The following RHBDL2 variants were observed in gnomAD, a reference collection of about 807,000 sequenced individuals.
RHBDL2 encodes rhomboid-related protein 2.
Under a neutral mutation model 31.7 loss-of-function variants are expected in RHBDL2, and 26 were observed. The observed-to-expected ratio is 0.82, with a 90% CI of 0.60 to 1.14. The LOEUF (loss-of-function observed/expected upper bound fraction) is 1.14, where lower values mean the gene tolerates loss of function less well. Among genes scored for constraint, RHBDL2 ranks in the 50% most tolerant of loss-of-function variants. The probability of loss-of-function intolerance (pLI) is 0.00; values close to 1 mark genes in which losing one functional copy is unlikely to be tolerated. For synonymous variants in RHBDL2, 123 were observed against 127.2 expected (o/e 0.97, Z 0.22); for missense variants, 336 against 364.4 (o/e 0.92, Z 0.63).
chr1:38,911,122 G>A (rs1479312252), intron 4 of RHBDL2, among the ~76,000 whole-genome samples, 200 bp downstream of exon 4: 1 of 152,062 alleles, frequency 6.6e-6, no homozygotes, highest in Non-Finnish European at 1.5e-5. Context: ...TGAGATACCT[G>A]AGGACAGGCA....
Position 38,911,336 on chromosome 1 carries a change from G to A in RHBDL2, c.494C>T (p.Ala165Val), listed in dbSNP as rs888940504. ...AGAACACTGACCTGCAATCACTCCT[G>A]CCAGGTACACCAGCCCCACACGGAG... is the stretch of plus-strand genomic sequence containing the variant. The part of the protein sequence containing the change: ...KGLRVGLVYL[A>V]GVIAGSLASS... Residue 165 changes from alanine to valine, a missense_variant, in exon 4 of 8, where the codon GCA (alanine) becomes GTA (valine). By Grantham distance (64) the Ala-to-Val change is moderately conservative. Transcript: ENST00000372990. The A allele has an allele frequency of 3.7e-6, 6 of 1,610,382 alleles. No homozygotes were observed. The highest frequency in any genetic ancestry group is 5.1e-6 in the Non-Finnish European group (6 of 1,176,670).
At chr1:38,915,245 G>T in intron 3 of RHBDL2, among the ~76,000 whole-genome samples, 1 of 150,412 alleles carries the variant, frequency 6.6e-6, no homozygotes, top group African/African-American at 2.4e-5. Context: ...CAATTCTCCT[G>T]CCTCAGCCTC....
intron 1 of RHBDL2, among the ~76,000 whole-genome samples, chr1:38,923,571 C>A (rs12064996): frequency 3.5e-4 from 54 of 152,296 alleles, no homozygotes; most frequent in African/African-American, 1.3e-3. Flanking sequence ...ATAGGTCAAA[C>A]TTGGGATACA....
At chr1:38,935,154 A>G (rs1643483028) in intron 1 of RHBDL2, among the ~76,000 whole-genome samples, 1 of 152,136 alleles carries the variant, frequency 6.6e-6, no homozygotes, top group African/African-American at 2.4e-5. Flanking sequence ...GTTTATGGAA[A>G]ATGTCTACCA....
intron 1 of RHBDL2, among the ~76,000 whole-genome samples, chr1:38,928,499 T>G (rs1382767046): frequency 1.3e-5 from 2 of 151,624 alleles, no homozygotes; most frequent in Non-Finnish European, 2.9e-5. Flanking sequence ...CAGACTGGAG[T>G]GCAATGGCAC....
chr1:38,941,665 C>A lies in RHBDL2; in HGVS notation c.-126+17G>T. ...ACATAGGACTCCCTCCACTCCCTCC[C>A]AGCTCCCACATCTTACCCTGAAAGA... On this transcript the variant is annotated intron_variant, in intron 1 of 7. Transcript: ENST00000372990. The A allele has an allele frequency of 6.5e-6, 1 of 152,762 alleles. No homozygotes were observed. Among genetic ancestry groups the A allele is most frequent in the East Asian group, 1.9e-4 (1 of 5,198 alleles). 9.5% of individuals were successfully genotyped at this position (152,762 alleles called of 1,614,324 possible).
At chr1:38,904,963 G>A (rs1418241878) in intron 4 of RHBDL2, among the ~76,000 whole-genome samples, 2 of 150,046 alleles carry the variant, frequency 1.3e-5, no homozygotes, top group South Asian at 4.2e-4. Context: ...CCCAGGAGGC[G>A]GAGCTTGCAG....
chr1:38,900,231 C>G (rs1201757995), intron 4 of RHBDL2, among the ~76,000 whole-genome samples: 1 of 152,070 alleles, frequency 6.6e-6, no homozygotes, highest in African/African-American at 2.4e-5. Flanking sequence ...AGCAGCCTGG[C>G]CAACATGGTG....
At chr1:38,939,494 T>G (rs914690399) in intron 1 of RHBDL2, among the ~76,000 whole-genome samples, 1 of 152,104 alleles carries the variant, frequency 6.6e-6, no homozygotes, top group Non-Finnish European at 1.5e-5. Context: ...AAACCTTGTC[T>G]CTACCAAAAA....
rs1262544807 is a variant in RHBDL2, at chr1:38,936,951, C to CT, written c.-126+4730dup. On this transcript the variant is annotated intron_variant, in intron 1 of 7. Transcript: ENST00000372990. Reference sequence around the variant, plus strand: ...GCCTGGCCGAGTATTCTCGAGTGTTCTTTTTTTTTTTTTTGAGACAGAGTC... The same window carrying CT: ...GCCTGGCCGAGTATTCTCGAGTGTTCTTTTTTTTTTTTTTTGAGACAGAGTC... 3.1e-3 allele frequency among the ~76,000 whole-genome samples: 413 copies of CT among 132,424 alleles called. 1 individual carries two copies. The highest frequency in any genetic ancestry group is 7.1e-3 in the African/African-American group (255 of 35,968). 86.9% of individuals were successfully genotyped at this position (132,424 alleles called of 152,430 possible).
At chr1:38,905,750 G>GAAAA (rs36067930) in intron 4 of RHBDL2, among the ~76,000 whole-genome samples, 1 of 117,714 alleles carries the variant, frequency 8.5e-6, no homozygotes, top group Admixed American at 8.9e-5. Flanking sequence ...TCTGTCTCAA[G>GAAAA]AAAAAAAAAA....
chr1:38,916,715 A>C (rs895761363), intron 2 of RHBDL2, among the ~76,000 whole-genome samples: 37 of 151,310 alleles, frequency 2.4e-4, no homozygotes, highest in Admixed American at 4.0e-4. Context: ...ACAAACAAAA[A>C]AAAAAACTAG....
Position 38,893,206 on chromosome 1 carries a change from G to T in RHBDL2, c.628C>A (p.Pro210Thr). The change falls in exon 6 of 8, where the codon CCT becomes ACT. Residue 210 changes from proline (P) to threonine (T), a missense_variant. Coordinates refer to ENST00000372990, the MANE Select transcript of RHBDL2 (RefSeq NM_017821.5). Reference protein sequence around the residue: ...NVLVNFQEMIPAFGIFRLLII... With the variant: ...NVLVNFQEMITAFGIFRLLII... ...AGCAGTCTGAAAATTCCAAAGGCAGGAATCATTTCTTGAAAATTCTTAAAA... is the reference window on the plus strand; with the variant it reads ...AGCAGTCTGAAAATTCCAAAGGCAGTAATCATTTCTTGAAAATTCTTAAAA... 1 of 1,563,084 alleles carries T rather than the reference G, an allele frequency of 6.4e-7. No individual in the cohort carries two copies. Among genetic ancestry groups the T allele is most frequent in the East Asian group, 2.2e-5 (1 of 44,602 alleles).
chr1:38,915,218 C>T (rs921360214), intron 3 of RHBDL2, among the ~76,000 whole-genome samples: 31 of 151,182 alleles, frequency 2.1e-4, no homozygotes, highest in African/African-American at 6.5e-4. Flanking sequence ...CTGCAACCTC[C>T]GCCTCCCAGG....
At chr1:38,930,163 C>T (rs1000905942) in intron 1 of RHBDL2, among the ~76,000 whole-genome samples, 1 of 152,076 alleles carries the variant, frequency 6.6e-6, no homozygotes, top group African/African-American at 2.4e-5. Flanking sequence ...GTAGGGGGAC[C>T]AGAGCCCCAG....
rs1643155712 is a variant in RHBDL2 at position 38,912,032 on chromosome 1, C to G, written c.396-598G>C. On this transcript the variant is annotated intron_variant, in intron 3 of 7. Coordinates refer to ENST00000372990, the MANE Select transcript of RHBDL2 (RefSeq NM_017821.5). ...TGTTGCCCAGGCTGCAGTACAATGG[C>G]ATGATCTCGGCTCACTGCAACCTCC... 1.3e-5 allele frequency among the ~76,000 whole-genome samples: 2 copies of G among 151,956 alleles called. 1 individual carries two copies. The highest frequency in any genetic ancestry group is 4.1e-4 in the South Asian group (2 of 4,826).
chr1:38,895,070 C>T (rs115561726), intron 5 of RHBDL2, among the ~76,000 whole-genome samples: 3,066 of 152,054 alleles, frequency 0.02, 99 homozygotes, highest in African/African-American at 0.07. Flanking sequence ...TTTTTTTCAG[C>T]GAGAGATTCA....
intron 3 of RHBDL2, 118 bp downstream of exon 3, chr1:38,915,444 T>C (rs989545395): frequency 1.0e-6 from 1 of 1,000,338 alleles, no homozygotes; most frequent in African/African-American, 1.6e-5. Flanking sequence ...CCCCTTAGGG[T>C]TGCTGTGAAG....
intron 3 of RHBDL2, 103 bp from the exon 4 acceptor site, chr1:38,911,537 G>C: frequency 4.1e-6 from 3 of 734,558 alleles, no homozygotes; most frequent in Non-Finnish European, 6.9e-6. Context: ...TTAAGGATTT[G>C]CTTAACTAGA....
Sources: allele counts gnomAD v4.1 joint callset (sites outside exome capture counted in the v4.1 genomes callset), GRCh38; gene constraint gnomAD v4.1.1; transcripts MANE v1.5; gene names NCBI Gene and HGNC (gene_info 2026-07-23, HGNC 2026-07-21).